The following MEGF9 variants were observed in gnomAD, a reference collection of about 807,000 sequenced individuals.
MEGF9 encodes the protein multiple EGF like domains 9.
In MEGF9, 6 loss-of-function variants were observed where a neutral mutation model predicts 46.8. The ratio of observed to expected loss-of-function variants is 0.13; its 90% CI spans 0.07 to 0.25. The LOEUF (loss-of-function observed/expected upper bound fraction) is 0.25, where lower values mean the gene tolerates loss of function less well. Ranked by LOEUF, MEGF9 falls within the 10% of genes least tolerant of loss-of-function variation. The pLI, the probability that MEGF9 is intolerant of heterozygous loss-of-function variation, is 1.00. For synonymous variants in MEGF9, 302 were observed against 330.7 expected (o/e 0.91, Z 0.94); for missense variants, 683 against 792.4 (o/e 0.86, Z 1.66).
intron 2 of MEGF9, among the ~76,000 whole-genome samples, chr9:120,632,696 C>T (rs2043556023): frequency 6.6e-6 from 1 of 152,118 alleles, no homozygotes; most frequent in Admixed American, 6.6e-5. Context: ...AAGGCATTCA[C>T]CTTTTCCCCA....
intron 1 of MEGF9, among the ~76,000 whole-genome samples, chr9:120,695,094 G>A (rs892608318): frequency 6.6e-6 from 1 of 151,082 alleles, no homozygotes; most frequent in Non-Finnish European, 1.5e-5. Context: ...TGCCTCTTAT[G>A]GACCTTACAT....
intron 2 of MEGF9, among the ~76,000 whole-genome samples, chr9:120,630,549 T>C (rs1356095841): frequency 6.6e-6 from 1 of 152,226 alleles, no homozygotes; most frequent in East Asian, 1.9e-4. Context: ...TTGGATCATA[T>C]GATAGTTCTA....
rs148992779 is a variant in MEGF9 at position 120,648,162 on chromosome 9, A to G, written c.803+11212T>C. On this transcript the variant is annotated intron_variant, in intron 2 of 5. Transcript: ENST00000373930. ...AGACTTCTGGCAGACTAATTTTTCCAAAAAACAAGTCTGATGTCACCTCTT... is the reference window on the plus strand; with the variant it reads ...AGACTTCTGGCAGACTAATTTTTCCGAAAAACAAGTCTGATGTCACCTCTT... 2.1e-3 allele frequency among the ~76,000 whole-genome samples: 320 copies of G among 152,142 alleles called. 1 individual carries two copies. Among genetic ancestry groups the G allele is most frequent in the African/African-American group, 7.2e-3 (301 of 41,526 alleles).
chr9:120,666,558 T>G (rs2043726039), intron 1 of MEGF9, among the ~76,000 whole-genome samples: 1 of 152,194 alleles, frequency 6.6e-6, no homozygotes. Flanking sequence ...AAGTACAAAA[T>G]AGTAGAGACA....
chr9:120,644,132 G>T (rs1032818814), intron 2 of MEGF9, among the ~76,000 whole-genome samples: 1 of 151,824 alleles, frequency 6.6e-6, no homozygotes, highest in Non-Finnish European at 1.5e-5. Flanking sequence ...CCATTTTTTC[G>T]GTTCCAGAAT....
At chr9:120,676,453 T>C (rs1450926115) in intron 1 of MEGF9, among the ~76,000 whole-genome samples, 1 of 151,758 alleles carries the variant, frequency 6.6e-6, no homozygotes, top group African/African-American at 2.4e-5. Context: ...ACAACTGTGA[T>C]TTTTTTTTCC....
chr9:120,695,051 AGAGAG>A (rs1299396498), intron 1 of MEGF9, among the ~76,000 whole-genome samples: 1 of 147,760 alleles, frequency 6.8e-6, no homozygotes, highest in African/African-American at 2.5e-5. Context: ...AAAAAAAAAA[AGAGAG>A]AGAGAGAGAG....
At chr9:120,673,550 C>T (rs752132910) in intron 1 of MEGF9, among the ~76,000 whole-genome samples, 1 of 145,900 alleles carries the variant, frequency 6.9e-6, no homozygotes, top group African/African-American at 2.5e-5. Context: ...TAATTTTTGA[C>T]AAGATGAAAA....
At chr9:120,630,430 G>T (rs979699204) in intron 2 of MEGF9, among the ~76,000 whole-genome samples, 1 of 152,202 alleles carries the variant, frequency 6.6e-6, no homozygotes, top group African/African-American at 2.4e-5. Context: ...CACAGAGGTT[G>T]ATTCTGTATC....
At chr9:120,628,646 G>C (rs7032625) in intron 2 of MEGF9, among the ~76,000 whole-genome samples, 1 of 151,840 alleles carries the variant, frequency 6.6e-6, no homozygotes, top group African/African-American at 2.4e-5. Flanking sequence ...TACAGAAGAA[G>C]AACCCCAAAC....
chr9:120,657,491 C>T (rs1239452080), intron 2 of MEGF9, among the ~76,000 whole-genome samples: 2 of 152,202 alleles, frequency 1.3e-5, no homozygotes, highest in African/African-American at 4.8e-5. Context: ...TCTTTCTCTT[C>T]TAATAAAGCA....
chr9:120,609,308 TTTC>T (rs1432811250), intron 4 of MEGF9, among the ~76,000 whole-genome samples: 1 of 12,566 alleles, frequency 8.0e-5, no homozygotes, highest in Non-Finnish European at 2.8e-4. Context: ...CTTGTCTCTC[TTTC>T]TAGTTCAGTT....
At chr9:120,710,809 A>G (rs558524907) in intron 1 of MEGF9, among the ~76,000 whole-genome samples, 1 of 152,332 alleles carries the variant, frequency 6.6e-6, no homozygotes, top group East Asian at 1.9e-4. Context: ...CCAAAGAGAT[A>G]TGTTTTCTGT....
chr9:120,664,619 T>C (rs2043716852), intron 1 of MEGF9, among the ~76,000 whole-genome samples: 1 of 152,212 alleles, frequency 6.6e-6, no homozygotes, highest in Non-Finnish European at 1.5e-5. Context: ...GAAGACTACT[T>C]GTGGCTATAA....
intron 2 of MEGF9, among the ~76,000 whole-genome samples, chr9:120,643,770 C>T (rs1451705037): frequency 6.6e-6 from 1 of 151,410 alleles, no homozygotes; most frequent in Admixed American, 6.6e-5. Flanking sequence ...TCATGGCTCA[C>T]TATAGCCTTG....
intron 1 of MEGF9, among the ~76,000 whole-genome samples, chr9:120,712,929 A>G (rs1378201940): frequency 6.6e-6 from 1 of 152,246 alleles, no homozygotes; most frequent in Non-Finnish European, 1.5e-5. Flanking sequence ...GACTTCAGCA[A>G]GAAAAGCCTT....
chr9:120,611,832 A>AAAGGAAGGAAGGAAGGAAGGAAGG (rs200715578), intron 4 of MEGF9, among the ~76,000 whole-genome samples: 104 of 139,330 alleles, frequency 7.5e-4, no homozygotes, highest in African/African-American at 2.8e-3. Flanking sequence ...GAAAAGAAAG[A>AAAGGAAGGAAGGAAGGAAGGAAGG]AAGGAAGGAA....
chr9:120,700,479 G>A (rs2043899045), intron 1 of MEGF9, among the ~76,000 whole-genome samples: 1 of 152,126 alleles, frequency 6.6e-6, no homozygotes, highest in Admixed American at 6.6e-5. Flanking sequence ...TATAATGTTA[G>A]TGCTATTCAT....
chr9:120,692,222 G>C (rs1182813029), intron 1 of MEGF9, among the ~76,000 whole-genome samples: 1 of 152,178 alleles, frequency 6.6e-6, no homozygotes, highest in African/African-American at 2.4e-5. Context: ...ACTTGTGTTT[G>C]TTTAACCTAA....
Sources: gnomAD v4.1 joint callset for allele counts (sites outside exome capture counted in the v4.1 genomes callset) on GRCh38, gnomAD v4.1.1 for gene constraint, MANE v1.5 for transcripts, NCBI Gene and HGNC (gene_info 2026-07-23, HGNC 2026-07-21) for gene names.